Variants in PDE1C observed in about 807,000 individuals in gnomAD.
PDE1C encodes the protein dual specificity calcium/calmodulin-dependent 3',5'-cyclic nucleotide phosphodiesterase 1C.
Under a neutral mutation model 93.1 loss-of-function variants are expected in PDE1C, and 62 were observed. The ratio of observed to expected loss-of-function variants is 0.67; its 90% CI spans 0.54 to 0.82. The LOEUF (loss-of-function observed/expected upper bound fraction) is 0.82. Ranked by LOEUF, PDE1C falls within the 40% of genes least tolerant of loss-of-function variation. PDE1C has a pLI of 0.00. For missense variants in PDE1C, 742 were observed against 884.6 expected (o/e 0.84, Z 2.04); for synonymous variants, 325 against 310.1 (o/e 1.05, Z -0.50).
At chr7:32,014,812 A>G (rs1172784226) in intron 2 of PDE1C, among the ~76,000 whole-genome samples, 1 of 152,166 alleles carries the variant, frequency 6.6e-6, no homozygotes, top group Non-Finnish European at 1.5e-5. Context: ...TTTCTAACCA[A>G]TGGTGCTACA....
the PDE1C span, among the ~76,000 whole-genome samples, chr7:31,713,634 G>A: frequency 1.3e-5 from 2 of 152,164 alleles, no homozygotes; most frequent in East Asian, 1.9e-4. Flanking sequence ...TGAGGACTCT[G>A]CCCCTGCACA....
chr7:31,884,132 T>C (rs1797594231), intron 2 of PDE1C, among the ~76,000 whole-genome samples: 1 of 152,122 alleles, frequency 6.6e-6, no homozygotes, highest in African/African-American at 2.4e-5. Flanking sequence ...TGAGGGAACC[T>C]AGAACAACCC....
chr7:32,403,606 G>A (rs761880583), intron 1 of PDE1C, among the ~76,000 whole-genome samples: 6 of 152,160 alleles, frequency 3.9e-5, no homozygotes, highest in East Asian at 3.9e-4. Flanking sequence ...GATCACATGC[G>A]TCTCCTCTCT....
At chr7:31,692,751 G>A in the PDE1C span, among the ~76,000 whole-genome samples, 1 of 152,204 alleles carries the variant, frequency 6.6e-6, no homozygotes, top group African/African-American at 2.4e-5. Context: ...GACAGAGAGA[G>A]AGAAAGAGAG....
At chr7:31,691,506 A>C in the PDE1C span, among the ~76,000 whole-genome samples, 7 of 152,150 alleles carry the variant, frequency 4.6e-5, no homozygotes, top group African/African-American at 1.7e-4. Context: ...AAGATTTTCT[A>C]TAAATCTCAG....
the PDE1C span, among the ~76,000 whole-genome samples, chr7:31,622,031 G>A: frequency 7.1e-6 from 1 of 141,106 alleles, no homozygotes; most frequent in East Asian, 2.1e-4. Context: ...ATGGTAAAGG[G>A]ATCAATTCAA....
chr7:32,180,353 T>G (rs1196372817), intron 2 of PDE1C, among the ~76,000 whole-genome samples: 1 of 152,210 alleles, frequency 6.6e-6, no homozygotes, highest in Non-Finnish European at 1.5e-5. Flanking sequence ...ACATTCTAAA[T>G]TCCCAAAGAC....
intron 2 of PDE1C, among the ~76,000 whole-genome samples, chr7:31,998,243 T>A (rs1785004414): frequency 6.6e-6 from 1 of 152,038 alleles, no homozygotes; most frequent in Non-Finnish European, 1.5e-5. Flanking sequence ...ATGGTCTCGA[T>A]CTCCTGACCT....
the PDE1C span, chr7:31,686,996 GT>G: frequency 6.6e-6 from 1 of 152,182 alleles, no homozygotes; most frequent in Non-Finnish European, 1.5e-5. Context: ...GATGTAGCTG[GT>G]TTGTCTGAAT....
chr7:31,721,841 G>A, the PDE1C span, among the ~76,000 whole-genome samples: 1 of 152,188 alleles, frequency 6.6e-6, no homozygotes, highest in Non-Finnish European at 1.5e-5. Context: ...GGGCTGGAAG[G>A]AAAATAATAT....
At chr7:31,643,449 T>C in the PDE1C span, 1 of 1,614,018 alleles carries the variant, frequency 6.2e-7, no homozygotes, top group Non-Finnish European at 8.5e-7. Flanking sequence ...GGACAGAAGC[T>C]GAGATGGAAA....
the PDE1C span, among the ~76,000 whole-genome samples, chr7:31,731,163 AG>A: frequency 6.6e-6 from 1 of 151,910 alleles, no homozygotes; most frequent in East Asian, 1.9e-4. Flanking sequence ...TAGAAGCTGG[AG>A]GTGGGGGTGG....
chr7:32,147,633 T>A (rs1800973457), intron 3 of PDE1C, among the ~76,000 whole-genome samples: 1 of 152,144 alleles, frequency 6.6e-6, no homozygotes, highest in African/African-American at 2.4e-5. Flanking sequence ...CTATTGGCAT[T>A]TTAGCCAAAA....
In PDE1C at chr7:32,084,439, TCAA is replaced by T. The variant is rs1430729722; in HGVS notation, c.308+85343_308+85345del. Among the ~76,000 whole-genome samples the T allele has an allele frequency of 4.7e-5, 7 of 147,938 alleles. No individual in the cohort carries two copies. The East Asian group carries it at 1.4e-3, about 29-fold the overall frequency. ...CACCCCACTGTCAACATTAGACAGA[TCAA>T]CGAGACAGAAAGGTAACAAGCATAC... On this transcript the variant is annotated intron_variant, in intron 3 of 18. Transcript: ENST00000396193.
intron 2 of PDE1C, among the ~76,000 whole-genome samples, chr7:31,959,247 G>A (rs1433210636): frequency 2.0e-5 from 3 of 152,076 alleles, no homozygotes; most frequent in Non-Finnish European, 4.4e-5. Flanking sequence ...GTCTCACTCT[G>A]TTGCCCAGGC....
At chr7:32,319,369 T>A (rs995849362) in intron 1 of PDE1C, among the ~76,000 whole-genome samples, 1 of 152,158 alleles carries the variant, frequency 6.6e-6, no homozygotes, top group African/African-American at 2.4e-5. Context: ...AGTGATGGCA[T>A]CTGTGCCCTT....
At chr7:32,026,718 G>T (rs760753384) in intron 2 of PDE1C, among the ~76,000 whole-genome samples, 3 of 152,018 alleles carry the variant, frequency 2.0e-5, no homozygotes, top group Non-Finnish European at 4.4e-5. Flanking sequence ...CACAAAAAAT[G>T]GCAGCTTTAT....
chr7:32,111,111 T>A (rs577336269), intron 3 of PDE1C, among the ~76,000 whole-genome samples: 2 of 152,156 alleles, frequency 1.3e-5, no homozygotes, highest in Admixed American at 6.5e-5. Flanking sequence ...CGGGTCTTCC[T>A]GTCTCTTTTC....
intron 7 of PDE1C, among the ~76,000 whole-genome samples, chr7:31,862,737 A>G (rs1295531464): frequency 1.3e-5 from 2 of 152,200 alleles, no homozygotes; most frequent in African/African-American, 4.8e-5. Flanking sequence ...AATTTGGGAG[A>G]ACACAAACAT....
Sources: gnomAD v4.1 joint callset for allele counts (sites outside exome capture counted in the v4.1 genomes callset) on GRCh38, gnomAD v4.1.1 for gene constraint, MANE v1.5 for transcripts, NCBI Gene and HGNC (gene_info 2026-07-23, HGNC 2026-07-21) for gene names.